The following MRTFB variants were observed in gnomAD, a reference collection of about 807,000 sequenced individuals.
The protein encoded by MRTFB is myocardin-related transcription factor B.
In MRTFB, 29 loss-of-function variants were observed where a neutral mutation model predicts 104.2. That is an observed-to-expected ratio of 0.28 (90% CI 0.21 to 0.38). MRTFB has a LOEUF of 0.38. MRTFB is among the 10% of genes least tolerant of loss of function. The probability of loss-of-function intolerance (pLI) is 1.00; values close to 1 mark genes in which losing one functional copy is unlikely to be tolerated. For missense variants in MRTFB, 1,270 were observed against 1,341.6 expected (o/e 0.95, Z 0.83); for synonymous variants, 535 against 519.5 (o/e 1.03, Z -0.41).
chr16:14,038,031 G>T, the MRTFB span, among the ~76,000 whole-genome samples: 12 of 149,564 alleles, frequency 8.0e-5, no homozygotes, highest in African/African-American at 2.9e-4. Context: ...TTATTACTTT[G>T]CTGGAGATAC....
chr16:14,227,443 G>A (rs9936964), intron 8 of MRTFB, among the ~76,000 whole-genome samples: 8,528 of 152,168 alleles, frequency 0.056, 742 homozygotes, highest in African/African-American at 0.18. Flanking sequence ...CTGGTGCCAC[G>A]CATCCTGTAC....
chr16:14,158,866 T>A (rs1200532795), intron 3 of MRTFB, among the ~76,000 whole-genome samples: 1 of 151,962 alleles, frequency 6.6e-6, no homozygotes, highest in Non-Finnish European at 1.5e-5. Context: ...GCACAGAGGC[T>A]GACGCCTGTA....
the MRTFB span, among the ~76,000 whole-genome samples, chr16:14,022,537 C>T: frequency 6.6e-6 from 1 of 152,150 alleles, no homozygotes; most frequent in Non-Finnish European, 1.5e-5. Flanking sequence ...GCTGGGACTA[C>T]AGGCGTATGC....
the MRTFB span, among the ~76,000 whole-genome samples, chr16:14,058,677 A>AAACAT: frequency 7.8e-6 from 1 of 128,520 alleles, no homozygotes; most frequent in Non-Finnish European, 1.5e-5. Flanking sequence ...CTTTAAACTA[A>AAACAT]AACATATTTA....
Position 14,249,069 on chromosome 16 carries a change from A to C in MRTFB, c.2391A>C (p.Gln797His). The C allele has an allele frequency of 6.2e-7, 1 of 1,613,902 alleles. No homozygotes were observed. The highest frequency in any genetic ancestry group is 8.5e-7 in the Non-Finnish European group (1 of 1,179,944). ...CGCAGCATGTGCTCAGTCAGCCTCAACAAGTCAGAAAGGTTTGTAAATGCC... is the reference window on the plus strand; with the variant it reads ...CGCAGCATGTGCTCAGTCAGCCTCACCAAGTCAGAAAGGTTTGTAAATGCC... ...TFPQHVLSQP[Q>H]QVRKVFTNSA... The change falls in exon 13 of 17, where the codon CAA becomes CAC. Residue 797 changes from glutamine to histidine, a missense_variant. By Grantham distance (24) the Gln-to-His change is conservative. Around this residue, in one of 3 missense-constraint regions of MRTFB, gnomAD observed 1,144 missense variants for 1,131.5 expected, o/e 1.01. Transcript: ENST00000571589.
chr16:14,081,291 CTTT>C (rs995694902), intron 2 of MRTFB, among the ~76,000 whole-genome samples: 3 of 121,496 alleles, frequency 2.5e-5, no homozygotes, highest in East Asian at 2.4e-4. Flanking sequence ...CGTATGCTGC[CTTT>C]TTTTTTTTTT....
intron 3 of MRTFB, chr16:14,149,528 C>G (rs979766055): frequency 6.6e-6 from 1 of 152,200 alleles, no homozygotes; most frequent in Non-Finnish European, 1.5e-5. Context: ...GATCAAACCA[C>G]TGCCACGTAT....
At chr16:14,068,565 TTG>T (rs752871345), upstream of MRTFB, among the ~76,000 whole-genome samples, 2 of 152,026 alleles carry the variant, frequency 1.3e-5, no homozygotes, top group Non-Finnish European at 2.9e-5. Flanking sequence ...TTGCGTGTTG[TTG>T]TGTGTCGTTG....
At chr16:14,174,306 T>C (rs866117220) in intron 3 of MRTFB, among the ~76,000 whole-genome samples, 1 of 152,224 alleles carries the variant, frequency 6.6e-6, no homozygotes, top group African/African-American at 2.4e-5. Flanking sequence ...CTTTTTGTTT[T>C]GTAACAGTGG....
chr16:14,233,077 A>C (rs2042337234), intron 8 of MRTFB, among the ~76,000 whole-genome samples: 1 of 152,220 alleles, frequency 6.6e-6, no homozygotes, highest in African/African-American at 2.4e-5. Context: ...AATCTATGTA[A>C]AGTAGATTGC....
chr16:14,259,755 A>C (rs1184045590), intron 16 of MRTFB, among the ~76,000 whole-genome samples: 1 of 152,194 alleles, frequency 6.6e-6, no homozygotes, highest in Admixed American at 6.5e-5. Flanking sequence ...ACTCCGTCTC[A>C]AAAAAATAAA....
chr16:14,168,596 A>G (rs944365134), intron 3 of MRTFB, among the ~76,000 whole-genome samples: 5 of 152,222 alleles, frequency 3.3e-5, no homozygotes, highest in Non-Finnish European at 7.3e-5. Flanking sequence ...GTAGTATTCC[A>G]GTGTATGAGT....
At chr16:14,077,389 C>T (rs2034126662) in intron 1 of MRTFB, among the ~76,000 whole-genome samples, 1 of 152,150 alleles carries the variant, frequency 6.6e-6, no homozygotes. Context: ...GTGTGAGTTT[C>T]TGGATGTATT....
intron 7 of MRTFB, among the ~76,000 whole-genome samples, 158 bp downstream of exon 7, chr16:14,217,445 G>A (rs1010637541): frequency 1.3e-5 from 2 of 152,178 alleles, no homozygotes; most frequent in African/African-American, 4.8e-5. Context: ...ATTTCATTAT[G>A]TATTATAAGT....
the MRTFB span, among the ~76,000 whole-genome samples, chr16:14,021,942 G>T: frequency 6.6e-6 from 1 of 152,082 alleles, no homozygotes. Flanking sequence ...ACCCAGTAGT[G>T]GGACTGCTGG....
intron 10 of MRTFB, 41 bp downstream of exon 10, chr16:14,240,525 G>A: frequency 6.2e-7 from 1 of 1,614,154 alleles, no homozygotes; most frequent in South Asian, 1.1e-5. Context: ...GGGGTTTTCT[G>A]TGGTTTTTTA....
intron 14 of MRTFB, 51 bp from the exon 15 acceptor site, chr16:14,252,312 AAG>A: frequency 2.5e-6 from 4 of 1,584,644 alleles, no homozygotes; most frequent in East Asian, 4.5e-5. Flanking sequence ...TAGCCAGGAA[AAG>A]AGAGGTTTAT....
At chr16:14,031,633 C>T in the MRTFB span, among the ~76,000 whole-genome samples, 1 of 152,062 alleles carries the variant, frequency 6.6e-6, no homozygotes, top group Non-Finnish European at 1.5e-5. Flanking sequence ...TCTCCCAGCT[C>T]CTGGTCAGAG....
At chr16:14,097,528 C>G (rs2035453217) in intron 2 of MRTFB, among the ~76,000 whole-genome samples, 1 of 152,158 alleles carries the variant, frequency 6.6e-6, no homozygotes, top group Non-Finnish European at 1.5e-5. Context: ...AGGGACAATT[C>G]AAATGGGATA....
Sources: allele counts gnomAD v4.1 joint callset (sites outside exome capture counted in the v4.1 genomes callset), GRCh38; gene constraint gnomAD v4.1.1; regional missense constraint gnomAD v4.1.1; transcripts MANE v1.5; gene names NCBI Gene and HGNC (gene_info 2026-07-23, HGNC 2026-07-21).